The following PCA3 variants were observed in gnomAD, a reference collection of about 807,000 sequenced individuals.
PCA3 encodes Differential Display code 3.
At chr9:76,772,475 T>C (rs2053219680) in intron 2 of PCA3, among the ~76,000 whole-genome samples, 1 of 152,184 alleles carries the variant, frequency 6.6e-6, no homozygotes, top group Non-Finnish European at 1.5e-5. Context: ...AAGCAAACTC[T>C]TAAAGGAAAC....
intron 2 of PCA3, chr9:76,782,538 T>A (rs1334970265): frequency 6.6e-6 from 1 of 152,230 alleles, no homozygotes; most frequent in Non-Finnish European, 1.5e-5. Context: ...TTAAATGAGT[T>A]AATTTTTGTA....
At chr9:76,774,450 C>CT (rs869289049) in intron 2 of PCA3, among the ~76,000 whole-genome samples, 5,992 of 41,274 alleles carry the variant, frequency 0.15, 948 homozygotes, top group East Asian at 0.21. Flanking sequence ...CAGTTCAACC[C>CT]TTTTTTTTTT....
At chr9:76,776,568 T>C (rs566511511) in intron 2 of PCA3, among the ~76,000 whole-genome samples, 153 of 94,906 alleles carry the variant, frequency 1.6e-3, no homozygotes, top group African/African-American at 9.9e-3. Context: ...CAAATTGGAG[T>C]GCAGTGCACA....
intron 2 of PCA3, among the ~76,000 whole-genome samples, chr9:76,764,863 T>C (rs1306816153): frequency 6.6e-6 from 1 of 152,208 alleles, no homozygotes; most frequent in Non-Finnish European, 1.5e-5. Context: ...TAGAGATTTT[T>C]GTCTGTTTCA....
intron 2 of PCA3, among the ~76,000 whole-genome samples, chr9:76,768,282 T>G (rs1359013313): frequency 2.6e-5 from 4 of 152,116 alleles, no homozygotes; most frequent in Non-Finnish European, 4.4e-5. Context: ...AACCTCCGCC[T>G]CCTGGGTTCA....
At chr9:76,768,609 GTGTGTGTGTGTGTGTA>G (rs1231260368) in intron 2 of PCA3, among the ~76,000 whole-genome samples, 26 of 151,480 alleles carry the variant, frequency 1.7e-4, no homozygotes, top group Non-Finnish European at 2.5e-4. Context: ...GTGTGTGTGT[GTGTGTGTGTGTGTGTA>G]TATCCCTGCT....
chr9:76,776,893 TACACACAC>T (rs541232508), intron 2 of PCA3, among the ~76,000 whole-genome samples: 1,560 of 115,654 alleles, frequency 0.013, 30 homozygotes, highest in African/African-American at 0.038. Context: ...CCAAAACACA[TACACACAC>T]ACACACACAC....
chr9:76,767,307 T>C (rs575148015), intron 2 of PCA3, among the ~76,000 whole-genome samples: 1 of 152,002 alleles, frequency 6.6e-6, no homozygotes, highest in South Asian at 2.1e-4. Context: ...CAAAATTATC[T>C]GGGCATGGTG....
intron 2 of PCA3, among the ~76,000 whole-genome samples, chr9:76,769,847 A>G (rs2130914284): frequency 6.6e-6 from 1 of 152,374 alleles, no homozygotes; most frequent in East Asian, 1.9e-4. Context: ...AAAAAGCGGT[A>G]GCAATTAAAA....
chr9:76,770,187 TTGAGGCA>T (rs1014213908), intron 2 of PCA3, among the ~76,000 whole-genome samples: 2 of 152,182 alleles, frequency 1.3e-5, no homozygotes, highest in Non-Finnish European at 1.5e-5. Context: ...TTGACTTCAT[TTGAGGCA>T]ACATTCTTTG....
rs553124759 is a variant in PCA3, at chr9:76,766,468, A to G, written n.852+29853A>G. 2.6e-3 allele frequency among the ~76,000 whole-genome samples: 401 copies of G among 152,244 alleles called. 1 individual carries two copies. The highest frequency in any genetic ancestry group is 9.4e-3 in the African/African-American group (390 of 41,536). Reference sequence around the variant, plus strand: ...CTCTCCCTTATTTAAAATAAAACACATATTAGATTCTGCATCTGAACCAAC... The same window carrying G: ...CTCTCCCTTATTTAAAATAAAACACGTATTAGATTCTGCATCTGAACCAAC... On this transcript the variant is annotated intron_variant and non_coding_transcript_variant, in intron 2 of 5. Transcript: ENST00000644657.
chr9:76,769,520 G>A (rs2052850166), intron 2 of PCA3, among the ~76,000 whole-genome samples: 2 of 152,080 alleles, frequency 1.3e-5, no homozygotes, highest in South Asian at 4.1e-4. Flanking sequence ...CCGCCCCCCG[G>A]GTTCAAGTGA....
At chr9:76,774,320 T>G (rs929909183) in intron 2 of PCA3, among the ~76,000 whole-genome samples, 28 of 152,014 alleles carry the variant, frequency 1.8e-4, no homozygotes, top group African/African-American at 5.3e-4. Context: ...TATTTTTTTG[T>G]AAAGATGGGG....
At chr9:76,778,299 A>G (rs1343399) in intron 2 of PCA3, 53,243 of 151,906 alleles carry the variant, frequency 0.35, 10,200 homozygotes, top group African/African-American at 0.49. Context: ...TTATGGCACA[A>G]ATACAGCCTT....
chr9:76,783,962 C>T (rs960894178), intron 2 of PCA3: 4 of 152,232 alleles, frequency 2.6e-5, no homozygotes, highest in African/African-American at 9.6e-5. Context: ...TCGTTTCTAT[C>T]CTTCCTACTC....
chr9:76,779,287 G>T (rs2054124408), intron 2 of PCA3, among the ~76,000 whole-genome samples: 1 of 150,456 alleles, frequency 6.6e-6, no homozygotes, highest in Non-Finnish European at 1.5e-5. Context: ...AAGGAGAACT[G>T]AAAAATAGCA....
intron 2 of PCA3, among the ~76,000 whole-genome samples, chr9:76,772,402 G>C (rs990428744): frequency 1.3e-5 from 2 of 151,920 alleles, no homozygotes; most frequent in African/African-American, 4.8e-5. Context: ...ACATAGGTTG[G>C]GGCATAACCA....
At chr9:76,773,028 T>C in intron 2 of PCA3, among the ~76,000 whole-genome samples, 1 of 152,220 alleles carries the variant, frequency 6.6e-6, no homozygotes, top group Non-Finnish European at 1.5e-5. Context: ...AGGAACAATT[T>C]GTATTTAGAA....
At chr9:76,769,501 T>C (rs2130907136) in intron 2 of PCA3, among the ~76,000 whole-genome samples, 2 of 148,262 alleles carry the variant, frequency 1.3e-5, no homozygotes, top group African/African-American at 5.0e-5. Context: ...CGGCTCGTCG[T>C]CGCAACCTCC....
Sources: allele counts gnomAD v4.1 joint callset (sites outside exome capture counted in the v4.1 genomes callset), GRCh38; gene constraint gnomAD v4.1.1; transcripts MANE v1.5; gene names NCBI Gene and HGNC (gene_info 2026-07-23, HGNC 2026-07-21).